The following PCLO variants were observed in gnomAD, a reference collection of about 807,000 sequenced individuals.
PCLO encodes the protein piccolo presynaptic cytomatrix protein.
Under a neutral mutation model 427.5 loss-of-function variants are expected in PCLO, and 82 were observed. The ratio of observed to expected loss-of-function variants is 0.19; its 90% CI spans 0.16 to 0.23. PCLO has a LOEUF of 0.23. Ranked by LOEUF, PCLO falls within the 10% of genes least tolerant of loss-of-function variation. The pLI is 1.00. For missense variants in PCLO, 6,239 were observed against 6,115.9 expected (o/e 1.02, Z -0.67); for synonymous variants, 2,357 against 2,155.4 (o/e 1.09, Z -2.59).
chr7:83,075,531 T>G (rs1032450065), intron 3 of PCLO, among the ~76,000 whole-genome samples: 1 of 152,144 alleles, frequency 6.6e-6, no homozygotes, highest in East Asian at 1.9e-4. Context: ...TTCTAAAACA[T>G]GACAAGTGTT....
At chr7:83,017,727 TA>T (rs990812192) in intron 3 of PCLO, among the ~76,000 whole-genome samples, 1 of 152,006 alleles carries the variant, frequency 6.6e-6, no homozygotes, top group Non-Finnish European at 1.5e-5. Context: ...AAGAGACATT[TA>T]AAAAAACTAT....
chr7:82,928,978 G>A (rs1303662125), intron 6 of PCLO, among the ~76,000 whole-genome samples: 1 of 152,122 alleles, frequency 6.6e-6, no homozygotes, highest in Admixed American at 6.6e-5. Context: ...CAGAGAGGAT[G>A]AACTCTTTAC....
At position 82,954,771 on chromosome 7, in the gene PCLO, G is replaced by T; in HGVS notation, c.6182C>A (p.Ala2061Asp). 6.2e-7 allele frequency: 1 copy of T among 1,613,780 alleles called. No homozygotes were observed. The highest frequency in any genetic ancestry group is 8.5e-7 in the Non-Finnish European group (1 of 1,179,820). Residue 2061 changes from alanine to aspartate, a missense_variant, in exon 5 of 25, where the codon GCT becomes GAT. By Grantham distance (126) the Ala-to-Asp change is moderately radical (BLOSUM62 -2). Around this residue, in one of 5 missense-constraint regions of PCLO, gnomAD observed 4,677 missense variants for 4,468.4 expected, o/e 1.05. Coordinates refer to ENST00000333891, the MANE Select transcript of PCLO (RefSeq NM_033026.6). ...CATAAGTTCTTCATAGGCAGCATCAGCATCTAGTAGTTTCCTTTCTTCTTC... is the reference window on the plus strand; with the variant it reads ...CATAAGTTCTTCATAGGCAGCATCATCATCTAGTAGTTTCCTTTCTTCTTC... ...STEEERKLLD[A>D]DAAYEELMKR...
chr7:82,905,909 A>C (rs1050690846), intron 8 of PCLO, among the ~76,000 whole-genome samples: 2 of 151,966 alleles, frequency 1.3e-5, no homozygotes, highest in Non-Finnish European at 2.9e-5. Context: ...TTTATAGAGT[A>C]AGTGACTAAA....
At chr7:82,962,167 T>A (rs1276565069) in intron 4 of PCLO, among the ~76,000 whole-genome samples, 1 of 152,164 alleles carries the variant, frequency 6.6e-6, no homozygotes, top group Middle Eastern at 3.2e-3. Flanking sequence ...TAGAACGTGC[T>A]TTGAATCAAA....
intron 9 of PCLO, among the ~76,000 whole-genome samples, chr7:82,881,430 G>A (rs1793506318): frequency 6.6e-6 from 1 of 152,090 alleles, no homozygotes; most frequent in Non-Finnish European, 1.5e-5. Context: ...TCTCAATAAA[G>A]TAGCACAGGC....
At chr7:83,012,473 C>T (rs1162054565) in intron 3 of PCLO, among the ~76,000 whole-genome samples, 1 of 151,726 alleles carries the variant, frequency 6.6e-6, no homozygotes, top group Non-Finnish European at 1.5e-5. Context: ...CAAAATTAGC[C>T]AGGAGTGGTG....
intron 4 of PCLO, among the ~76,000 whole-genome samples, chr7:82,961,889 G>A (rs541348683): frequency 2.0e-4 from 31 of 152,168 alleles, no homozygotes; most frequent in African/African-American, 5.3e-4. Flanking sequence ...TAATAGCTAA[G>A]TAGTAGAAAA....
At chr7:83,096,952 A>AAGT (rs1790579459) in intron 3 of PCLO, among the ~76,000 whole-genome samples, 1 of 58,270 alleles carries the variant, frequency 1.7e-5, no homozygotes, top group Admixed American at 3.6e-4. Flanking sequence ...TATATTATAT[A>AAGT]AATAATATAA....
At chr7:83,161,262 T>C (rs1395025815) in intron 1 of PCLO, among the ~76,000 whole-genome samples, 1 of 145,828 alleles carries the variant, frequency 6.9e-6, no homozygotes, top group Non-Finnish European at 1.5e-5. Context: ...AAGTGGAGGA[T>C]AAGGATCTAC....
At chr7:83,038,031 T>A (rs74211669) in intron 3 of PCLO, among the ~76,000 whole-genome samples, 1,433 of 16,478 alleles carry the variant, frequency 0.087, 75 homozygotes, top group African/African-American at 0.14. Flanking sequence ...ATATATATAT[T>A]TATATATTTA....
intron 6 of PCLO, among the ~76,000 whole-genome samples, chr7:82,929,915 C>T (rs777045597): frequency 9.9e-5 from 15 of 152,150 alleles, no homozygotes; most frequent in Non-Finnish European, 2.2e-4. Context: ...CTATTTGGTA[C>T]CATGTTCTAA....
chr7:82,821,048 A>G (rs2522832), intron 20 of PCLO: 553,357 of 1,171,390 alleles, frequency 0.47, 135,221 homozygotes, highest in East Asian at 0.87. Flanking sequence ...TAAAAATTAA[A>G]GATGAGAGCT....
intron 3 of PCLO, among the ~76,000 whole-genome samples, chr7:83,117,272 G>T (rs1206281088): frequency 6.6e-6 from 1 of 152,134 alleles, no homozygotes; most frequent in Non-Finnish European, 1.5e-5. Context: ...AGGATTAGAG[G>T]CAGGCCCAAG....
chr7:82,897,866 T>C (rs1443404742), intron 9 of PCLO, among the ~76,000 whole-genome samples: 1 of 151,420 alleles, frequency 6.6e-6, no homozygotes, highest in Non-Finnish European at 1.5e-5. Flanking sequence ...AACTTTTGGT[T>C]TGGGGAAACA....
intron 3 of PCLO, among the ~76,000 whole-genome samples, chr7:83,090,947 T>G (rs1790362474): frequency 6.6e-6 from 1 of 152,124 alleles, no homozygotes; most frequent in Non-Finnish European, 1.5e-5. Flanking sequence ...AGGAATAAAT[T>G]TATATACAGT....
rs2129467379 is a variant in PCLO at position 82,755,830 on chromosome 7, T to A, written c.*2745A>T. ...CAGAAGAAACGCATTCATATAAGGATCAGTGTTGCATAGAATAATTCCAGT... is the reference window on the plus strand; with the variant it reads ...CAGAAGAAACGCATTCATATAAGGAACAGTGTTGCATAGAATAATTCCAGT... On this transcript the variant is annotated 3_prime_UTR_variant, in exon 25 of 25. Coordinates refer to ENST00000333891, the MANE Select transcript of PCLO (RefSeq NM_033026.6). 6.6e-6 allele frequency: 1 copy of A among 152,204 alleles called. No homozygotes were observed. Among genetic ancestry groups the A allele is most frequent in the Non-Finnish European group, 1.5e-5 (1 of 67,996 alleles). The allele number at this position is 152,204 out of a possible 1,614,324, so 9.4% of individuals were successfully genotyped here. A position where few individuals can be genotyped will look rare whatever the true frequency, so the allele number is the denominator to read the frequency against.
At chr7:83,113,796 A>G (rs1440946702) in intron 3 of PCLO, among the ~76,000 whole-genome samples, 1 of 152,280 alleles carries the variant, frequency 6.6e-6, no homozygotes, top group East Asian at 1.9e-4. Flanking sequence ...CAAACAAAAG[A>G]AAAAAGGAGC....
intron 6 of PCLO, among the ~76,000 whole-genome samples, chr7:82,934,019 A>T (rs1373898521): frequency 6.6e-6 from 1 of 151,900 alleles, no homozygotes; most frequent in Admixed American, 6.6e-5. Context: ...GGCAAGTGAG[A>T]TTTTATTTTA....
Sources: allele counts gnomAD v4.1 joint callset (sites outside exome capture counted in the v4.1 genomes callset), GRCh38; gene constraint gnomAD v4.1.1; regional missense constraint gnomAD v4.1.1; transcripts MANE v1.5; gene names NCBI Gene and HGNC (gene_info 2026-07-23, HGNC 2026-07-21).